Variants in PTPRT observed in about 807,000 individuals in gnomAD.
PTPRT encodes the protein protein tyrosine phosphatase receptor type T.
A neutral mutation model predicts 176.8 loss-of-function variants in PTPRT; 56 were observed. The observed-to-expected ratio is 0.32, with a 90% CI of 0.26 to 0.40. The LOEUF (loss-of-function observed/expected upper bound fraction) is 0.40, where lower values mean the gene tolerates loss of function less well. PTPRT is among the 10% of genes least tolerant of loss of function. The pLI is 1.00. For missense variants in PTPRT, 1,540 were observed against 1,908.2 expected, an observed-to-expected ratio of 0.81 and a Z score of 3.60; for synonymous variants, 783 against 739.0, an observed-to-expected ratio of 1.06 and a Z score of -0.96.
At chr20:42,410,653 G>A (rs986975850) in intron 9 of PTPRT, among the ~76,000 whole-genome samples, 2 of 151,820 alleles carry the variant, frequency 1.3e-5, no homozygotes, top group African/African-American at 2.4e-5. Flanking sequence ...CAAATTCACC[G>A]AGATAGACCA....
At position 42,470,532 on chromosome 20, in the gene PTPRT, C is replaced by T. The variant is rs188706141; in HGVS notation, c.1450+1734G>A. Reference sequence around the variant, plus strand: ...ATTCTCAGGAACTATCTAAAGCCATCCCACAAGGCAAGAGGCAGCCTGGGC... The same window carrying T: ...ATTCTCAGGAACTATCTAAAGCCATTCCACAAGGCAAGAGGCAGCCTGGGC... On this transcript the variant is annotated intron_variant, in intron 8 of 30. Transcript: ENST00000373187. 3.3e-5 allele frequency among the ~76,000 whole-genome samples: 5 copies of T among 152,198 alleles called. No homozygotes were observed. The East Asian group carries it at 9.7e-4, about 30-fold the overall frequency.
intron 16 of PTPRT, among the ~76,000 whole-genome samples, chr20:42,168,841 C>T (rs1211178502): frequency 6.6e-6 from 1 of 152,138 alleles, no homozygotes; most frequent in Non-Finnish European, 1.5e-5. Flanking sequence ...ATTTGTGACC[C>T]CTGAGGAACA....
At chr20:42,598,765 A>G (rs6093690) in intron 7 of PTPRT, among the ~76,000 whole-genome samples, 1 of 151,702 alleles carries the variant, frequency 6.6e-6, no homozygotes, top group African/African-American at 2.4e-5. Context: ...ACATCTGAGC[A>G]CTCACTGACC....
chr20:42,535,089 C>T (rs533007728), intron 7 of PTPRT, among the ~76,000 whole-genome samples: 21 of 152,174 alleles, frequency 1.4e-4, no homozygotes, highest in African/African-American at 2.2e-4. Flanking sequence ...GTAAATAAGG[C>T]GCTGTTACCA....
chr20:42,469,230 GTC>G (rs1312680504), intron 8 of PTPRT, among the ~76,000 whole-genome samples: 4 of 152,124 alleles, frequency 2.6e-5, no homozygotes, highest in Non-Finnish European at 4.4e-5. Context: ...TTGAGACAGA[GTC>G]TCGCTCTGTC....
At chr20:42,725,321 A>G (rs1264927745) in intron 6 of PTPRT, among the ~76,000 whole-genome samples, 1 of 152,030 alleles carries the variant, frequency 6.6e-6, no homozygotes, top group African/African-American at 2.4e-5. Flanking sequence ...AACTCTAACT[A>G]GAAACAAACA....
intron 9 of PTPRT, among the ~76,000 whole-genome samples, chr20:42,445,888 T>C (rs1449758964): frequency 6.6e-6 from 1 of 152,200 alleles, no homozygotes; most frequent in Non-Finnish European, 1.5e-5. Context: ...GAGAGTGCAC[T>C]ATATAATAAT....
chr20:42,378,022 A>C (rs905093636), intron 9 of PTPRT, among the ~76,000 whole-genome samples: 5 of 152,224 alleles, frequency 3.3e-5, no homozygotes, highest in Admixed American at 6.5e-5. Flanking sequence ...TTTCAGAGGC[A>C]GAGGTTGGGG....
intron 1 of PTPRT, among the ~76,000 whole-genome samples, chr20:42,997,889 A>G (rs1413989527): frequency 2.0e-5 from 3 of 152,112 alleles, no homozygotes; most frequent in Non-Finnish European, 4.4e-5. Flanking sequence ...GGCAAATCCA[A>G]TGTTCAAGGA....
At chr20:42,369,776 G>A (rs1170962879) in intron 9 of PTPRT, among the ~76,000 whole-genome samples, 1 of 152,080 alleles carries the variant, frequency 6.6e-6, no homozygotes, top group East Asian at 1.9e-4. Flanking sequence ...GAGAAGCCTG[G>A]GTATCGGGTT....
chr20:43,013,612 TAC>T (rs1985235800), intron 1 of PTPRT, among the ~76,000 whole-genome samples: 1 of 152,148 alleles, frequency 6.6e-6, no homozygotes, highest in East Asian at 1.9e-4. Context: ...CCTCTAGGGA[TAC>T]ACAGAGACAA....
At position 42,294,163 on chromosome 20, in the gene PTPRT, A is replaced by T. The variant is rs553682594; in HGVS notation, c.2140-11638T>A. Among the ~76,000 whole-genome samples, 8 of 152,052 alleles carry T rather than the reference A, an allele frequency of 5.3e-5. No homozygotes were observed. In the South Asian group the frequency reaches 1.5e-3, roughly 28 times the overall value. The stretch of plus-strand genomic sequence containing the variant: ...ATGTAAAAACAATTTGGAAGAGAAA[A>T]GAGGTAAGCTAGCAGAGAGTACATG... On this transcript the variant is annotated intron_variant, in intron 12 of 30. Coordinates refer to ENST00000373187, the MANE Select transcript of PTPRT (RefSeq NM_007050.6).
chr20:43,090,710 T>C (rs529035144), intron 1 of PTPRT, among the ~76,000 whole-genome samples: 2 of 151,882 alleles, frequency 1.3e-5, no homozygotes, highest in Non-Finnish European at 2.9e-5. Context: ...TTTCCTAGAA[T>C]ATAGAGCGAG....
At chr20:42,426,071 T>A (rs1471207900) in intron 9 of PTPRT, among the ~76,000 whole-genome samples, 3 of 152,064 alleles carry the variant, frequency 2.0e-5, no homozygotes, top group Admixed American at 2.0e-4. Flanking sequence ...TGTTTCATAG[T>A]GATACGGATA....
At chr20:42,331,741 G>T (rs1384541870) in intron 11 of PTPRT, among the ~76,000 whole-genome samples, 1 of 152,110 alleles carries the variant, frequency 6.6e-6, no homozygotes, top group Non-Finnish European at 1.5e-5. Flanking sequence ...TCCCATGATA[G>T]ACCTCTGAGT....
At chr20:42,243,484 T>C (rs1252588958) in intron 14 of PTPRT, among the ~76,000 whole-genome samples, 2 of 152,086 alleles carry the variant, frequency 1.3e-5, no homozygotes, top group African/African-American at 4.8e-5. Flanking sequence ...ATGGTAACAT[T>C]TGGGAGTCCT....
chr20:42,139,784 G>T (rs907564604), intron 18 of PTPRT, among the ~76,000 whole-genome samples: 3 of 152,258 alleles, frequency 2.0e-5, no homozygotes, highest in Non-Finnish European at 4.4e-5. Context: ...CAGGAGCAGA[G>T]AATGCTGGGG....
intron 7 of PTPRT, among the ~76,000 whole-genome samples, chr20:42,662,752 C>A (rs1049604193): frequency 2.6e-5 from 4 of 152,070 alleles, no homozygotes; most frequent in African/African-American, 7.2e-5. Context: ...GAACACTGAG[C>A]TTGAAGCTTG....
At chr20:42,665,189 C>T (rs2075292628) in intron 7 of PTPRT, among the ~76,000 whole-genome samples, 1 of 151,706 alleles carries the variant, frequency 6.6e-6, no homozygotes, top group Admixed American at 6.6e-5. Flanking sequence ...AAAATTTTTG[C>T]AATCTACTCA....
Sources: allele counts gnomAD v4.1 joint callset (sites outside exome capture counted in the v4.1 genomes callset), GRCh38; gene constraint gnomAD v4.1.1; transcripts MANE v1.5; gene names NCBI Gene and HGNC (gene_info 2026-07-23, HGNC 2026-07-21).